Variants in AAMDC observed in about 807,000 individuals in gnomAD.
The protein encoded by AAMDC is adipogenesis associated Mth938 domain containing, also known as mth938 domain-containing protein.
AAMDC carries 16 observed loss-of-function variants against 15.5 expected under a neutral mutation model. The observed-to-expected ratio is 1.03, with a 90% CI of 0.70 to 1.57. The LOEUF is 1.57. Among genes scored for constraint, AAMDC ranks in the 40% most tolerant of loss-of-function variants. AAMDC has a pLI of 0.00. For missense variants in AAMDC, 141 were observed against 144.9 expected (o/e 0.97, Z 0.14); for synonymous variants, 51 against 51.6 (o/e 0.99, Z 0.05).
chr11:77,888,504 A>G (rs9667706), intron 5 of AAMDC, among the ~76,000 whole-genome samples: 4 of 152,000 alleles, frequency 2.6e-5, no homozygotes, highest in African/African-American at 9.7e-5. Flanking sequence ...CATTCAGGAC[A>G]TAGGCATGGG....
At chr11:77,885,179 G>A (rs1036221616) in intron 5 of AAMDC, among the ~76,000 whole-genome samples, 1 of 152,094 alleles carries the variant, frequency 6.6e-6, no homozygotes, top group African/African-American at 2.4e-5. Context: ...CCGGGTTAAA[G>A]TGATTCTCCT....
In AAMDC at chr11:77,869,774, T is replaced by C; in HGVS notation, c.185T>C (p.Val62Ala). ...ADVKEVVEKG[V>A]QTLVIGRGMS... ...GTGAAGGAAGTTGTTGAGAAGGGTG[T>C]ACAGACTCTTGTGATTGGCCGAGGG... Residue 62 changes from valine (V) to alanine (A), a missense_variant, in exon 3 of 4, where the codon GTA becomes GCA. By Grantham distance (64) the Val-to-Ala change is moderately conservative. Transcript: ENST00000393427. 3 of 1,614,012 alleles carry C rather than the reference T, an allele frequency of 1.9e-6. No homozygotes were observed. The highest frequency in any genetic ancestry group is 2.5e-6 in the Non-Finnish European group (3 of 1,179,916).
At chr11:77,848,850 A>G (rs1950253867) in intron 2 of AAMDC, among the ~76,000 whole-genome samples, 2 of 152,168 alleles carry the variant, frequency 1.3e-5, no homozygotes, top group Admixed American at 6.5e-5. Flanking sequence ...CAGGGTTGTA[A>G]TCATAGCTCA....
chr11:77,905,954 T>C (rs1952939215), intron 3 of AAMDC, among the ~76,000 whole-genome samples: 1 of 152,244 alleles, frequency 6.6e-6, no homozygotes, highest in Non-Finnish European at 1.5e-5. Flanking sequence ...TGTTTTATTA[T>C]ATTAAGTGAT....
rs112487734 is a variant in AAMDC at position 77,822,796 on chromosome 11, G to T, written c.-19+1555G>T. Among the ~76,000 whole-genome samples, 127 of 152,284 alleles carry T rather than the reference G, an allele frequency of 8.3e-4. 1 individual carries two copies. Among genetic ancestry groups the T allele is most frequent in the East Asian group, 4.0e-3 (21 of 5,188 alleles). ...TGAAAATTTCACTGTAAGAAATACTGATGTAAGAAATCAAAGTCTAAAGAA... is the reference window on the plus strand; with the variant it reads ...TGAAAATTTCACTGTAAGAAATACTTATGTAAGAAATCAAAGTCTAAAGAA... On this transcript the variant is annotated intron_variant, in intron 1 of 3. Transcript: ENST00000393427.
At chr11:77,881,083 G>A (rs764409777) in intron 5 of AAMDC, among the ~76,000 whole-genome samples, 6 of 152,230 alleles carry the variant, frequency 3.9e-5, no homozygotes, top group East Asian at 3.9e-4. Context: ...GGAGTAAAGC[G>A]GAGAAGAGAG....
At chr11:77,880,515 T>C (rs769665940) in intron 5 of AAMDC, among the ~76,000 whole-genome samples, 14 of 152,186 alleles carry the variant, frequency 9.2e-5, no homozygotes, top group Non-Finnish European at 1.5e-4. Flanking sequence ...AAACTAACAC[T>C]GTTCTCTGAT....
chr11:77,889,815 A>G (rs1952185009), intron 5 of AAMDC, among the ~76,000 whole-genome samples: 1 of 152,184 alleles, frequency 6.6e-6, no homozygotes, highest in South Asian at 2.1e-4. Context: ...TAAGGTATCT[A>G]AAAGGTTTAG....
At chr11:77,883,970 T>G (rs762992777) in intron 5 of AAMDC, 1 of 1,610,272 alleles carries the variant, frequency 6.2e-7, no homozygotes, top group South Asian at 1.1e-5. Flanking sequence ...GTGACAGAAA[T>G]GAGAAAAAGG....
chr11:77,888,268 C>T (rs9667088), intron 5 of AAMDC, among the ~76,000 whole-genome samples: 3,126 of 152,226 alleles, frequency 0.021, 97 homozygotes, highest in African/African-American at 0.071. Flanking sequence ...GAAATAATGC[C>T]ACATATCTAC....
downstream of AAMDC, among the ~76,000 whole-genome samples, chr11:77,874,907 C>T (rs748027137): frequency 1.3e-5 from 2 of 152,100 alleles, no homozygotes; most frequent in Admixed American, 6.6e-5. Flanking sequence ...CGTGGTGGCA[C>T]GTGCCTGTAA....
downstream of AAMDC, among the ~76,000 whole-genome samples, chr11:77,901,965 C>A (rs1952790654): frequency 6.6e-6 from 1 of 152,082 alleles, no homozygotes; most frequent in African/African-American, 2.4e-5. Context: ...TGTTAGTTAT[C>A]CTGACAGACT....
At chr11:77,836,778 C>A (rs1406929531) in intron 1 of AAMDC, among the ~76,000 whole-genome samples, 2 of 152,168 alleles carry the variant, frequency 1.3e-5, no homozygotes, top group African/African-American at 4.8e-5. Flanking sequence ...CCAGCCTGAA[C>A]AACATGGAGA....
At chr11:77,844,451 C>T (rs1950060831) in intron 2 of AAMDC, among the ~76,000 whole-genome samples, 2 of 152,046 alleles carry the variant, frequency 1.3e-5, no homozygotes. Flanking sequence ...TAGTCTACAC[C>T]ACCTGGGTGA....
intron 2 of AAMDC, among the ~76,000 whole-genome samples, chr11:77,857,329 A>C (rs368292849): frequency 1.3e-5 from 2 of 152,230 alleles, no homozygotes; most frequent in South Asian, 2.1e-4. Flanking sequence ...CCAGGTAAAC[A>C]ATGGTAACTA....
chr11:77,878,963 G>A (rs757466320), intron 5 of AAMDC: 5 of 1,613,958 alleles, frequency 3.1e-6, no homozygotes, highest in Non-Finnish European at 4.2e-6. Flanking sequence ...CGCCGTGCAG[G>A]TTTGGGCATT....
At chr11:77,845,231 T>C (rs1006263008) in intron 2 of AAMDC, among the ~76,000 whole-genome samples, 1 of 152,218 alleles carries the variant, frequency 6.6e-6, no homozygotes, top group Non-Finnish European at 1.5e-5. Flanking sequence ...ATTATGAATA[T>C]ATTGATAGGC....
At chr11:77,856,316 A>G (rs1950620818) in intron 2 of AAMDC, among the ~76,000 whole-genome samples, 1 of 152,084 alleles carries the variant, frequency 6.6e-6, no homozygotes, top group East Asian at 1.9e-4. Flanking sequence ...CCATTTCACA[A>G]TCAGCATTTT....
chr11:77,891,231 C>T, intron 5 of AAMDC: 1 of 1,297,122 alleles, frequency 7.7e-7, no homozygotes, highest in Non-Finnish European at 1.1e-6. Context: ...GTTTCTGTCC[C>T]TCAAGTAGAG....
Sources: allele counts gnomAD v4.1 joint callset (sites outside exome capture counted in the v4.1 genomes callset), GRCh38; gene constraint gnomAD v4.1.1; transcripts MANE v1.5; gene names NCBI Gene and HGNC (gene_info 2026-07-23, HGNC 2026-07-21).